The following EGFR variants were observed in gnomAD, a reference collection of about 807,000 sequenced individuals.
The protein encoded by EGFR is avian erythroblastic leukemia viral (v-erb-b) oncogene homolog.
In EGFR, 58 loss-of-function variants were observed where a neutral mutation model predicts 143.0. The ratio of observed to expected loss-of-function variants is 0.41; its 90% CI spans 0.33 to 0.50. The LOEUF is 0.50. EGFR is among the 20% of genes least tolerant of loss of function. The probability of loss-of-function intolerance (pLI) is 0.39; values close to 1 mark genes in which losing one functional copy is unlikely to be tolerated. For synonymous variants in EGFR, 613 were observed against 594.4 expected (o/e 1.03, Z -0.45); for missense variants, 1,307 against 1,579.0 (o/e 0.83, Z 2.92).
chr7:55,155,774 A>T (rs1026256557), intron 7 of EGFR, 56 bp from the exon 8 acceptor site: 1 of 1,434,470 alleles, frequency 7.0e-7, no homozygotes, highest in Non-Finnish European at 9.8e-7. Flanking sequence ...CGCCTGTGTG[A>T]GGCCCGAGCA....
At chr7:55,048,625 C>A (rs1249266640) in intron 1 of EGFR, among the ~76,000 whole-genome samples, 1 of 152,192 alleles carries the variant, frequency 6.6e-6, no homozygotes, top group African/African-American at 2.4e-5. Flanking sequence ...GGCTGTGTGA[C>A]GTTGGGTATG....
rs2128944662 is a variant in EGFR at position 55,163,760 on chromosome 7, T to C, written c.1659T>C (p.Ser553=). The change falls in exon 14 of 28, where the codon TCT becomes TCC. Residue 553 remains serine (S), a synonymous_variant. Coordinates refer to ENST00000275493, the MANE Select transcript of EGFR (RefSeq NM_005228.5). ...EGEPREFVEN[S]ECIQCHPECL... ...AGCCAAGGGAGTTTGTGGAGAACTC[T>C]GAGTGCATACAGTGCCACCCAGAGT... 6.2e-7 allele frequency: 1 copy of C among 1,614,242 alleles called. No individual in the cohort carries two copies. Among genetic ancestry groups the C allele is most frequent in the Non-Finnish European group, 8.5e-7 (1 of 1,180,042 alleles).
rs568037572 is a variant in EGFR at position 55,119,770 on chromosome 7, T to A, written c.89-22516T>A. On this transcript the variant is annotated intron_variant, in intron 1 of 27. Coordinates refer to ENST00000275493, the MANE Select transcript of EGFR (RefSeq NM_005228.5). ...CACCTCTCCTCTTGACCCATCCTTATCAGTGTCTTGAAAGGTCCTTCTATT... is the reference window on the plus strand; with the variant it reads ...CACCTCTCCTCTTGACCCATCCTTAACAGTGTCTTGAAAGGTCCTTCTATT... 5.3e-5 allele frequency among the ~76,000 whole-genome samples: 8 copies of A among 152,282 alleles called. No individual in the cohort carries two copies. The East Asian group carries it at 1.4e-3, about 26-fold the overall frequency.
chr7:55,157,438 T>C (rs867680732), intron 10 of EGFR, among the ~76,000 whole-genome samples: 50 of 152,278 alleles, frequency 3.3e-4, no homozygotes, highest in African/African-American at 9.1e-4. Flanking sequence ...GCGGGAGACA[T>C]GCGGAATCGC....
At chr7:55,054,697 G>A (rs1247810639) in intron 1 of EGFR, among the ~76,000 whole-genome samples, 5 of 152,166 alleles carry the variant, frequency 3.3e-5, no homozygotes, top group East Asian at 3.9e-4. Flanking sequence ...GAAACCTGCC[G>A]GGAAGGTCTG....
At chr7:55,184,749 G>T (rs1787056737) in intron 20 of EGFR, among the ~76,000 whole-genome samples, 1 of 152,120 alleles carries the variant, frequency 6.6e-6, no homozygotes, top group African/African-American at 2.4e-5. Flanking sequence ...TTGCTTTTTA[G>T]TTCACAAGAG....
At chr7:55,142,192 T>G in intron 1 of EGFR, 94 bp from the exon 2 acceptor site, 1 of 1,496,566 alleles carries the variant, frequency 6.7e-7, no homozygotes, top group Non-Finnish European at 9.3e-7. Flanking sequence ...GTGAAGAAAC[T>G]GCTACCCTTA....
chr7:55,027,669 A>C (rs1325503541), intron 1 of EGFR, among the ~76,000 whole-genome samples: 1 of 152,198 alleles, frequency 6.6e-6, no homozygotes, highest in East Asian at 1.9e-4. Context: ...AATAAGTAAA[A>C]TGACTACTTC....
At chr7:55,115,843 C>A (rs936326354) in intron 1 of EGFR, among the ~76,000 whole-genome samples, 1 of 152,174 alleles carries the variant, frequency 6.6e-6, no homozygotes, top group Non-Finnish European at 1.5e-5. Flanking sequence ...GGAGTGACAT[C>A]AGGAAACTAT....
chr7:55,156,958 A>G (rs1179218027), intron 10 of EGFR, 126 bp downstream of exon 10: 11 of 1,540,802 alleles, frequency 7.1e-6, no homozygotes, highest in Admixed American at 2.0e-5. Context: ...TTAATGGCTG[A>G]TGTTTTGATA....
At chr7:55,143,248 C>T (rs376978119) in intron 2 of EGFR, 57 bp from the exon 3 acceptor site, 1 of 1,605,942 alleles carries the variant, frequency 6.2e-7, no homozygotes, top group African/African-American at 1.3e-5. Flanking sequence ...CATTTTAGAC[C>T]TTGAGTTCTT....
intron 1 of EGFR, among the ~76,000 whole-genome samples, chr7:55,022,410 C>T (rs1319456420): frequency 1.3e-5 from 2 of 152,168 alleles, no homozygotes; most frequent in African/African-American, 4.8e-5. Flanking sequence ...AGATCTACCC[C>T]ACCCTCCCTC....
intron 1 of EGFR, among the ~76,000 whole-genome samples, chr7:55,083,146 G>A (rs1031703926): frequency 6.6e-6 from 1 of 152,214 alleles, no homozygotes; most frequent in African/African-American, 2.4e-5. Flanking sequence ...TACTTCACAA[G>A]TGCTGGAGGT....
chr7:55,206,711 T>G lies in EGFR; in HGVS notation c.*1094T>G. ...ATGGAAGATAGTTTTCTCCTTTTAC[T>G]TCACTTCAAAAGCTTTTTACTCAAA... On this transcript the variant is annotated 3_prime_UTR_variant, in exon 28 of 28. Coordinates refer to ENST00000275493, the MANE Select transcript of EGFR (RefSeq NM_005228.5). 4.3e-6 allele frequency: 1 copy of G among 233,174 alleles called. No homozygotes were observed. The highest frequency in any genetic ancestry group is 5.6e-5 in the Admixed American group (1 of 17,800). 14.4% of individuals were successfully genotyped at this position (233,174 alleles called of 1,614,324 possible). A position where few individuals can be genotyped will look rare whatever the true frequency, so the allele number is the denominator to read the frequency against.
intron 1 of EGFR, among the ~76,000 whole-genome samples, chr7:55,075,642 C>T (rs558861049): frequency 5.9e-5 from 9 of 152,242 alleles, no homozygotes; most frequent in African/African-American, 2.2e-4. Flanking sequence ...GTAATGGATA[C>T]ACTCAGGCAG....
chr7:55,205,898 G>GGA lies in EGFR; in HGVS notation c.*281_*282insGA, dbSNP rs1554358172. 5.2e-4 allele frequency: 197 copies of GGA among 378,972 alleles called. 2 individuals are homozygous for GGA. The highest frequency in any genetic ancestry group is 7.4e-4 in the Middle Eastern group (1 of 1,358). 23.5% of individuals were successfully genotyped at this position (378,972 alleles called of 1,614,324 possible). Reference sequence around the variant, plus strand: ...ATTTATCTTTCAAAGAGGTATATTTGAAAAAAAAAAAAAGTATATGTGAGG... The same window carrying GGA: ...ATTTATCTTTCAAAGAGGTATATTTGGAAAAAAAAAAAAAAGTATATGTGAGG... On this transcript the variant is annotated 3_prime_UTR_variant, in exon 28 of 28. Coordinates refer to ENST00000275493, the MANE Select transcript of EGFR (RefSeq NM_005228.5).
chr7:55,203,728 C>G (rs376047767), intron 27 of EGFR, among the ~76,000 whole-genome samples: 1 of 84,138 alleles, frequency 1.2e-5, no homozygotes, highest in African/African-American at 3.3e-5. Context: ...GTAGACACAC[C>G]ACACACACCA....
chr7:55,087,273 T>TAAAAAAAAAA lies in EGFR; in HGVS notation c.89-55012_89-55003dup, dbSNP rs373915835. 1.3e-3 allele frequency among the ~76,000 whole-genome samples: 133 copies of TAAAAAAAAAA among 102,086 alleles called. 6 individuals carry two copies. Among genetic ancestry groups the TAAAAAAAAAA allele is most frequent in the African/African-American group, 5.1e-3 (125 of 24,736 alleles). 67.0% of individuals were successfully genotyped at this position (102,086 alleles called of 152,430 possible). The stretch of plus-strand genomic sequence containing the variant: ...TCACTTTAAGTAGTTTCTCAATTGT[T>TAAAAAAAAAA]AAAAAAAAAACAAAAAAAAAAAAAC... On this transcript the variant is annotated intron_variant, in intron 1 of 27. Transcript: ENST00000275493.
At position 55,181,302 on chromosome 7, in the gene EGFR, G is replaced by C. The variant is rs374873413; in HGVS notation, c.2293G>C (p.Val765Leu). 6 of 1,614,036 alleles carry C rather than the reference G, an allele frequency of 3.7e-6. No individual in the cohort carries two copies. The African/African-American group carries it at 5.3e-5, about 14-fold the overall frequency. Residue 765 changes from valine (V) to leucine (L), a missense_variant, in exon 20 of 28, where the codon GTG (valine) becomes CTG (leucine). By Grantham distance (32) the Val-to-Leu change is conservative. This residue lies in a region of EGFR where 348 missense variants were observed against 451.5 expected (regional missense o/e 0.77). Transcript: ENST00000275493. ...ANKEILDEAY[V>L]MASVDNPHVC... ...CTCTCCCTCCCTCCAGGAAGCCTAC[G>C]TGATGGCCAGCGTGGACAACCCCCA...
Sources: allele counts gnomAD v4.1 joint callset (sites outside exome capture counted in the v4.1 genomes callset), GRCh38; gene constraint gnomAD v4.1.1; regional missense constraint gnomAD v4.1.1; transcripts MANE v1.5; gene names NCBI Gene and HGNC (gene_info 2026-07-23, HGNC 2026-07-21).